LY6D: variants seen among roughly 807,000 people sequenced by gnomAD.
LY6D encodes lymphocyte antigen 6 family member D.
LY6D carries 7 observed loss-of-function variants against 5.6 expected under a neutral mutation model. That is an observed-to-expected ratio of 1.24 (90% confidence interval 0.71 to 2.34). The LOEUF (loss-of-function observed/expected upper bound fraction) is 2.34. LY6D is among the 30% of genes most tolerant of loss of function. The probability of loss-of-function intolerance (pLI) is 0.00; values close to 1 mark genes in which losing one functional copy is unlikely to be tolerated. For missense variants in LY6D, 148 were observed against 164.8 expected (o/e 0.90, Z 0.56); for synonymous variants, 81 against 75.0 (o/e 1.08, Z -0.41).
At chr8:142,786,430 G>GGCCCCCCCCCCCCCCCCCATGCCCCCC in intron 1 of LY6D, 35 bp downstream of exon 1, 1 of 1,434,870 alleles carries the variant, frequency 7.0e-7, no homozygotes, top group Non-Finnish European at 9.4e-7. Flanking sequence ...GGCCACAGCC[G>GGCCCCCCCCCCCCCCCCCATGCCCCCC]CCCACCCGCC....
chr8:142,785,228 C>T lies in LY6D; in HGVS notation c.380G>A (p.Ser127Asn), dbSNP rs1815629037. The T allele has an allele frequency of 6.2e-7, 1 of 1,602,678 alleles. No homozygotes were observed. Among genetic ancestry groups the T allele is most frequent in the African/African-American group, 1.3e-5 (1 of 74,722 alleles). Residue 127 changes from serine to asparagine, a missense_variant, in exon 3 of 3, where the codon AGC becomes AAC. Ser to Asn is a conservative substitution (Grantham distance 46). Transcript: ENST00000301263. The part of the protein sequence containing the change: ...LSLLAVILAP[S>N]L ...CCTTCCCTGGGGGGAAGGTCACAGG[C>T]TGGGGGCTAAGATGACGGCCAGGAG...
At chr8:142,786,186 C>T in intron 1 of LY6D, 5 of 1,283,616 alleles carry the variant, frequency 3.9e-6, no homozygotes, top group African/African-American at 1.5e-5. Context: ...GACTAGATGG[C>T]CGCTCTCCCA....
chr8:142,785,189 A>AAAGGC lies in LY6D; in HGVS notation c.*27_*31dup. 1 of 1,527,616 alleles carries AAAGGC rather than the reference A, an allele frequency of 6.5e-7. No individual in the cohort carries two copies. Among genetic ancestry groups the AAAGGC allele is most frequent in the African/African-American group, 1.4e-5 (1 of 73,322 alleles). The allele number at this position is 1,527,616 out of a possible 1,614,324, so 94.6% of individuals were successfully genotyped here. On this transcript the variant is annotated 3_prime_UTR_variant, in exon 3 of 3. Coordinates refer to ENST00000301263, the MANE Select transcript of LY6D (RefSeq NM_003695.3). Reference sequence around the variant, plus strand: ...GTGGAATCCCCAGAGAAAGGGAAGGAAAGGCATGAGGGGCCTTCCCTGGGG... The same window carrying AAAGGC: ...GTGGAATCCCCAGAGAAAGGGAAGGAAAGGCAAGGCATGAGGGGCCTTCCCTGGGG...
rs765975383 is a variant in LY6D, at chr8:142,785,278, G to T, written c.330C>A (p.Ala110=). 7.4e-6 allele frequency: 12 copies of T among 1,613,002 alleles called. No homozygotes were observed. The highest frequency in any genetic ancestry group is 2.7e-5 in the African/African-American group (2 of 74,910). Residue 110 remains alanine (A), a synonymous_variant, in exon 3 of 3, where the codon GCC becomes GCA. Coordinates refer to ENST00000301263, the MANE Select transcript of LY6D (RefSeq NM_003695.3). ...APTRTALAHS[A]LSLGLALSLL... ...GGCTCAGGGCCAGCCCCAGGCTGAG[G>T]GCACTGTGGGCGAGGGCGGTGCGGG... is the stretch of plus-strand genomic sequence containing the variant.
chr8:142,785,157 G>T lies in LY6D; in HGVS notation c.*64C>A. On this transcript the variant is annotated 3_prime_UTR_variant, in exon 3 of 3. Transcript: ENST00000301263. The stretch of plus-strand genomic sequence containing the variant: ...TGGCACCCCCGTTGCGGCTGGGGAA[G>T]AGAGGTGTGGAATCCCCAGAGAAAG... 4.5e-6 allele frequency: 6 copies of T among 1,327,160 alleles called. No individual in the cohort carries two copies. The highest frequency in any genetic ancestry group is 4.2e-5 in the Admixed American group (2 of 47,730). 82.2% of individuals were successfully genotyped at this position (1,327,160 alleles called of 1,614,324 possible). A position where few individuals can be genotyped will look rare whatever the true frequency, so the allele number is the denominator to read the frequency against.
chr8:142,785,759 C>A, intron 1 of LY6D, 72 bp from the exon 2 acceptor site: 13 of 1,583,140 alleles, frequency 8.2e-6, no homozygotes, highest in South Asian at 6.8e-5. Context: ...CCTGCTCCCC[C>A]ACCTGCAGAG....
chr8:142,785,485 G>A (rs1315846398), intron 2 of LY6D, 29 bp from the exon 3 acceptor site: 1 of 1,600,196 alleles, frequency 6.2e-7, no homozygotes, highest in Non-Finnish European at 8.6e-7. Flanking sequence ...GGTCAGGCCA[G>A]GCAGCCACCT....
rs914248647 is a variant in LY6D at position 142,785,594 on chromosome 8, T to C, written c.146A>G (p.Asn49Ser). 1.2e-6 allele frequency: 2 copies of C among 1,613,622 alleles called. No homozygotes were observed. The highest frequency in any genetic ancestry group is 8.5e-7 in the Non-Finnish European group (1 of 1,179,938). Reference sequence around the variant, plus strand: ...CCTGGACAGATGCTACCCACCTGTGTTCGTGGTCTTGCAGAAGCGAGAGCT... The same window carrying C: ...CCTGGACAGATGCTACCCACCTGTGCTCGTGGTCTTGCAGAAGCGAGAGCT... ...PASSRFCKTTNTVEPLRGNLV... is the reference protein window; with the variant it reads ...PASSRFCKTTSTVEPLRGNLV... The change falls in exon 2 of 3, where the codon AAC becomes AGC. Residue 49 changes from asparagine (N) to serine (S), a missense_variant. Coordinates refer to ENST00000301263, the MANE Select transcript of LY6D (RefSeq NM_003695.3).
Position 142,785,128 on chromosome 8 carries a change from C to G in LY6D, c.*93G>C. ...TTTCGGGGAAGCCCTCAGCCTGGGG[C>G]TCCTGGCACCCCCGTTGCGGCTGGG... On this transcript the variant is annotated 3_prime_UTR_variant, in exon 3 of 3. Transcript: ENST00000301263. The G allele has an allele frequency of 4.8e-6, 5 of 1,034,070 alleles. No homozygotes were observed. Among genetic ancestry groups the G allele is most frequent in the Non-Finnish European group, 7.0e-6 (5 of 719,290 alleles). 64.1% of individuals were successfully genotyped at this position (1,034,070 alleles called of 1,614,324 possible).
At chr8:142,786,433 C>CCCCCCCCCCCCCCCCTTG in intron 1 of LY6D, 32 bp downstream of exon 1, 1 of 1,515,906 alleles carries the variant, frequency 6.6e-7, no homozygotes, top group Non-Finnish European at 8.9e-7. Flanking sequence ...CACAGCCGCC[C>CCCCCCCCCCCCCCCCTTG]ACCCGCCCGT....
intron 1 of LY6D, 119 bp from the exon 2 acceptor site, chr8:142,785,806 A>T (rs1045420232): frequency 2.8e-5 from 41 of 1,482,290 alleles, no homozygotes; most frequent in Non-Finnish European, 3.5e-5. Context: ...CCCTTGCCCT[A>T]GGCCCCCAAA....
chr8:142,786,400 T>C, intron 1 of LY6D, 65 bp downstream of exon 1: 1 of 1,502,090 alleles, frequency 6.7e-7, no homozygotes, highest in East Asian at 2.5e-5. Context: ...TCCAGGCTCC[T>C]AGTATTTGGT....
Position 142,785,148 on chromosome 8 carries a change from G to T in LY6D, c.*73C>A. 1.6e-6 allele frequency: 2 copies of T among 1,242,794 alleles called. No homozygotes were observed. The highest frequency in any genetic ancestry group is 2.8e-4 in the Middle Eastern group (1 of 3,522). The allele number at this position is 1,242,794 out of a possible 1,614,324, so 77.0% of individuals were successfully genotyped here. A position where few individuals can be genotyped will look rare whatever the true frequency, so the allele number is the denominator to read the frequency against. On this transcript the variant is annotated 3_prime_UTR_variant, in exon 3 of 3. Coordinates refer to ENST00000301263, the MANE Select transcript of LY6D (RefSeq NM_003695.3). Reference sequence around the variant, plus strand: ...TGGGGCTCCTGGCACCCCCGTTGCGGCTGGGGAAGAGAGGTGTGGAATCCC... The same window carrying T: ...TGGGGCTCCTGGCACCCCCGTTGCGTCTGGGGAAGAGAGGTGTGGAATCCC...
At position 142,785,290 on chromosome 8, in the gene LY6D, G is replaced by C; in HGVS notation, c.318C>G (p.Leu106=). 3.7e-6 allele frequency: 6 copies of C among 1,613,300 alleles called. No homozygotes were observed. Among genetic ancestry groups the C allele is most frequent in the Non-Finnish European group, 5.1e-6 (6 of 1,179,724 alleles). Residue 106 remains leucine (L), a synonymous_variant, in exon 3 of 3, where the codon CTC becomes CTG. Coordinates refer to ENST00000301263, the MANE Select transcript of LY6D (RefSeq NM_003695.3). ...LHNAAPTRTA[L]AHSALSLGLA... Reference sequence around the variant, plus strand: ...GCCCCAGGCTGAGGGCACTGTGGGCGAGGGCGGTGCGGGTGGGTGCAGCGT... The same window carrying C: ...GCCCCAGGCTGAGGGCACTGTGGGCCAGGGCGGTGCGGGTGGGTGCAGCGT...
intron 1 of LY6D, chr8:142,786,141 G>A: frequency 8.1e-7 from 1 of 1,239,036 alleles, no homozygotes; most frequent in Non-Finnish European, 1.0e-6. Flanking sequence ...GCTGTGCTGG[G>A]GGAGACCTGG....
intron 1 of LY6D, 168 bp downstream of exon 1, chr8:142,786,297 G>A: frequency 7.3e-7 from 1 of 1,369,422 alleles, no homozygotes; most frequent in Non-Finnish European, 9.4e-7. Context: ...TTGTAAATCT[G>A]ACACTCGTTA....
At position 142,785,119 on chromosome 8, in the gene LY6D, A is replaced by G; in HGVS notation, c.*102T>C. On this transcript the variant is annotated 3_prime_UTR_variant, in exon 3 of 3. Transcript: ENST00000301263. ...GTCCCAGACTTTCGGGGAAGCCCTC[A>G]GCCTGGGGCTCCTGGCACCCCCGTT... 1 of 935,112 alleles carries G rather than the reference A, an allele frequency of 1.1e-6. No individual in the cohort carries two copies. The highest frequency in any genetic ancestry group is 1.6e-6 in the Non-Finnish European group (1 of 634,756). The allele number at this position is 935,112 out of a possible 1,614,324, so 57.9% of individuals were successfully genotyped here.
At position 142,785,493 on chromosome 8, in the gene LY6D, C is replaced by A. The variant is rs775237696; in HGVS notation, c.152-37G>T. On this transcript the variant is annotated intron_variant, in intron 2 of 2. Coordinates refer to ENST00000301263, the MANE Select transcript of LY6D (RefSeq NM_003695.3). ...TGAGTGTGGTCAGGCCAGGCAGCCA[C>A]CTCTGCCCCCCACCTCCCCACAACC... 3 of 1,597,176 alleles carry A rather than the reference C, an allele frequency of 1.9e-6. No homozygotes were observed. The African/African-American group carries it at 4.0e-5, about 21-fold the overall frequency.
At chr8:142,786,430 G>GGCCCCCCCCCCCC in intron 1 of LY6D, 35 bp downstream of exon 1, 8 of 1,434,590 alleles carry the variant, frequency 5.6e-6, no homozygotes, top group South Asian at 1.3e-5. Flanking sequence ...GGCCACAGCC[G>GGCCCCCCCCCCCC]CCCACCCGCC....
Sources: allele counts gnomAD v4.1 joint callset, GRCh38; gene constraint gnomAD v4.1.1; transcripts MANE v1.5; gene names NCBI Gene and HGNC (gene_info 2026-07-23, HGNC 2026-07-21).